Variants in ELMO1 observed in about 807,000 individuals in gnomAD.
ELMO1 encodes engulfment and cell motility protein 1.
In ELMO1, 26 loss-of-function variants were observed where a neutral mutation model predicts 98.9. The ratio of observed to expected loss-of-function variants is 0.26; its 90% CI spans 0.19 to 0.36. The LOEUF is 0.36. Ranked by LOEUF, ELMO1 falls within the 10% of genes least tolerant of loss-of-function variation. The pLI, the probability that ELMO1 is intolerant of heterozygous loss-of-function variation, is 1.00. For missense variants in ELMO1, 627 were observed against 935.2 expected (o/e 0.67, Z 4.30); for synonymous variants, 346 against 346.0 (o/e 1.00, Z 0.00).
At chr7:37,008,204 T>G (rs1793280789) in intron 16 of ELMO1, among the ~76,000 whole-genome samples, 2 of 152,220 alleles carry the variant, frequency 1.3e-5, no homozygotes, top group African/African-American at 4.8e-5. Flanking sequence ...TTTTGATGGT[T>G]TATAAAAGCG....
At chr7:37,282,430 C>A (rs115148130) in intron 4 of ELMO1, among the ~76,000 whole-genome samples, 24 of 152,362 alleles carry the variant, frequency 1.6e-4, no homozygotes, top group African/African-American at 5.5e-4. Context: ...TGCATGCAAG[C>A]CTGATCGCTT....
intron 13 of ELMO1, among the ~76,000 whole-genome samples, chr7:37,161,578 C>G (rs985921953): frequency 1.3e-5 from 2 of 152,002 alleles, no homozygotes; most frequent in Non-Finnish European, 2.9e-5. Context: ...ATTTCTCTGG[C>G]AAAGAATTTA....
chr7:37,299,297 C>G (rs1403752624), intron 4 of ELMO1, among the ~76,000 whole-genome samples: 1 of 151,864 alleles, frequency 6.6e-6, no homozygotes, highest in Admixed American at 6.6e-5. Flanking sequence ...TGTGCAGAAG[C>G]TCTTTAGTTG....
chr7:37,271,670 C>T (rs377533073), intron 5 of ELMO1, 162 bp downstream of exon 5: 26 of 692,350 alleles, frequency 3.8e-5, no homozygotes, highest in South Asian at 8.1e-5. Context: ...GGGAAATCTA[C>T]GGAGGGGCAT....
intron 15 of ELMO1, among the ~76,000 whole-genome samples, chr7:37,018,780 T>A (rs1432146599): frequency 6.6e-6 from 1 of 152,222 alleles, no homozygotes; most frequent in East Asian, 1.9e-4. Flanking sequence ...CACAGCTAGT[T>A]ACTATTTGTA....
intron 16 of ELMO1, among the ~76,000 whole-genome samples, chr7:36,939,970 A>G (rs1220930256): frequency 1.3e-5 from 2 of 152,250 alleles, no homozygotes; most frequent in Non-Finnish European, 2.9e-5. Context: ...CGTGTGCTCA[A>G]TAAATACTGG....
intron 4 of ELMO1, among the ~76,000 whole-genome samples, chr7:37,280,424 A>G (rs183822531): frequency 6.6e-6 from 1 of 152,368 alleles, no homozygotes; most frequent in Non-Finnish European, 1.5e-5. Flanking sequence ...CAACCCACAG[A>G]GTGGGAGAAA....
chr7:37,213,658 GA>G (rs941552337), intron 11 of ELMO1, among the ~76,000 whole-genome samples: 1 of 152,102 alleles, frequency 6.6e-6, no homozygotes, highest in African/African-American at 2.4e-5. Context: ...CACAGGCCAT[GA>G]AAAAACCTAC....
At chr7:37,097,692 C>T (rs527389462) in intron 14 of ELMO1, among the ~76,000 whole-genome samples, 159 of 152,098 alleles carry the variant, frequency 1.0e-3, no homozygotes, top group African/African-American at 3.6e-3. Flanking sequence ...TGACGGTGCC[C>T]CTGGAGTGTG....
chr7:37,268,758 T>C (rs1051420707), intron 5 of ELMO1, among the ~76,000 whole-genome samples: 2 of 152,206 alleles, frequency 1.3e-5, no homozygotes, highest in Admixed American at 6.5e-5. Flanking sequence ...ACAGTGCAGG[T>C]TGTTTGTTTA....
Position 37,224,986 on chromosome 7 carries a change from C to T in ELMO1, c.594G>A (p.Leu198=). ...ACTCCAAAATGGCCAAGGACCGCTG[C>T]AGGATCGAGATGTCTATGGCTGACT... ...VNKSAIDISI[L]QRSLAILESM... is the part of the protein sequence containing the mutation. The change falls in exon 9 of 22, where the codon CTG becomes CTA. Residue 198 remains leucine, a synonymous_variant. Coordinates refer to ENST00000310758, the MANE Select transcript of ELMO1 (RefSeq NM_014800.11). 6.2e-7 allele frequency: 1 copy of T among 1,614,138 alleles called. No homozygotes were observed. Among genetic ancestry groups the T allele is most frequent in the Admixed American group, 1.7e-5 (1 of 60,024 alleles).
chr7:37,274,695 G>A (rs1317549548), intron 4 of ELMO1, among the ~76,000 whole-genome samples: 1 of 152,162 alleles, frequency 6.6e-6, no homozygotes, highest in Non-Finnish European at 1.5e-5. Flanking sequence ...TGGGATTACA[G>A]GAGCCTGTCA....
chr7:36,940,556 C>G (rs1330368362), intron 16 of ELMO1, among the ~76,000 whole-genome samples: 2 of 152,190 alleles, frequency 1.3e-5, no homozygotes, highest in African/African-American at 2.4e-5. Flanking sequence ...CTTATAAATT[C>G]TTAAAGCCTC....
chr7:37,141,250 T>A (rs556352390), intron 13 of ELMO1, among the ~76,000 whole-genome samples: 1 of 152,138 alleles, frequency 6.6e-6, no homozygotes, highest in Non-Finnish European at 1.5e-5. Context: ...CTGGAGGGAA[T>A]TGGAGACTGT....
chr7:37,149,613 C>T (rs1013375647), intron 13 of ELMO1, among the ~76,000 whole-genome samples: 3 of 152,190 alleles, frequency 2.0e-5, no homozygotes, highest in Non-Finnish European at 4.4e-5. Flanking sequence ...GCTGCTTTCA[C>T]ATCAGGGAGC....
intron 16 of ELMO1, among the ~76,000 whole-genome samples, chr7:36,953,186 T>C (rs1398631797): frequency 2.6e-5 from 4 of 152,014 alleles, no homozygotes; most frequent in Non-Finnish European, 4.4e-5. Context: ...CAGGATGATA[T>C]CGATCTCCTG....
Position 36,878,109 on chromosome 7 carries a change from A to G in ELMO1, c.1723T>C (p.Trp575Arg). ...LNARRRQDKFWYCRLSPNHKV... is the reference protein window; with the variant it reads ...LNARRRQDKFRYCRLSPNHKV... ...TGATTTGGCGAAAGCCGACAATACC[A>G]AAACTTGTCTGAGAGAAAAAACACA... The change falls in exon 19 of 22, where the codon TGG becomes CGG. Residue 575 changes from tryptophan to arginine, a missense_variant. Coordinates refer to ENST00000310758, the MANE Select transcript of ELMO1 (RefSeq NM_014800.11). The G allele has an allele frequency of 6.2e-7, 1 of 1,613,708 alleles. No homozygotes were observed. The highest frequency in any genetic ancestry group is 8.5e-7 in the Non-Finnish European group (1 of 1,179,668).
chr7:36,875,739 G>T (rs775145435), intron 19 of ELMO1, among the ~76,000 whole-genome samples: 2 of 152,150 alleles, frequency 1.3e-5, no homozygotes, highest in Non-Finnish European at 2.9e-5. Context: ...GAGTCTTGGG[G>T]GTGAGGGTCT....
chr7:37,091,206 C>T (rs1478747752), intron 15 of ELMO1, among the ~76,000 whole-genome samples: 2 of 152,128 alleles, frequency 1.3e-5, no homozygotes, highest in Admixed American at 1.3e-4. Flanking sequence ...CTCCTGGGTT[C>T]CAGTGATTCT....
Sources: gnomAD v4.1 joint callset for allele counts (sites outside exome capture counted in the v4.1 genomes callset) on GRCh38, gnomAD v4.1.1 for gene constraint, MANE v1.5 for transcripts, NCBI Gene and HGNC (gene_info 2026-07-23, HGNC 2026-07-21) for gene names.